The following ST8SIA4 variants were observed in gnomAD, a reference collection of about 807,000 sequenced individuals.
ST8SIA4 encodes CMP-N-acetylneuraminate-poly-alpha-2,8-sialyltransferase.
Under a neutral mutation model 33.9 loss-of-function variants are expected in ST8SIA4, and 15 were observed. The ratio of observed to expected loss-of-function variants is 0.44; its 90% confidence interval spans 0.30 to 0.68. The LOEUF (loss-of-function observed/expected upper bound fraction) is 0.68, where lower values mean the gene tolerates loss of function less well. Among genes scored for constraint, ST8SIA4 ranks in the 30% least tolerant of loss-of-function variants. The pLI is 0.10. For missense variants in ST8SIA4, 321 were observed against 428.0 expected (o/e 0.75, Z 2.21); for synonymous variants, 171 against 151.2 (o/e 1.13, Z -0.96).
Position 100,839,783 on chromosome 5 carries a change from T to G in ST8SIA4, c.797+16320A>C, listed in dbSNP as rs1426249839. Among the ~76,000 whole-genome samples the G allele has an allele frequency of 2.6e-5, 4 of 151,874 alleles. No individual in the cohort carries two copies. The Admixed American group carries it at 2.6e-4, about 10-fold the overall frequency. ...TGGCACAAATATTGCCATGCTATTA[T>G]AAAGATACACTGTTCTATAGTGAGA... is the stretch of plus-strand genomic sequence containing the variant. On this transcript the variant is annotated intron_variant, in intron 4 of 4. Coordinates refer to ENST00000231461, the MANE Select transcript of ST8SIA4 (RefSeq NM_005668.6).
intron 3 of ST8SIA4, among the ~76,000 whole-genome samples, chr5:100,874,109 G>A (rs1457052849): frequency 1.3e-5 from 2 of 152,136 alleles, no homozygotes; most frequent in Non-Finnish European, 2.9e-5. Context: ...TATACAGATT[G>A]TATGAGGGAA....
intron 4 of ST8SIA4, among the ~76,000 whole-genome samples, chr5:100,812,576 C>A (rs528214585): frequency 1.3e-5 from 2 of 152,086 alleles, no homozygotes; most frequent in East Asian, 3.9e-4. Context: ...AATTAAAAAT[C>A]CAAAGAAATA....
At chr5:100,860,269 G>C (rs1362376246) in intron 3 of ST8SIA4, among the ~76,000 whole-genome samples, 5 of 152,042 alleles carry the variant, frequency 3.3e-5, no homozygotes, top group Admixed American at 1.3e-4. Flanking sequence ...CAATCCCACT[G>C]TGTTGCTTCC....
intron 3 of ST8SIA4, 92 bp downstream of exon 3, chr5:100,886,251 T>C: frequency 6.6e-7 from 1 of 1,523,060 alleles, no homozygotes. Context: ...TTTGAGGTTT[T>C]AGTAATACTT....
chr5:100,824,307 G>T (rs1379962931), intron 4 of ST8SIA4, among the ~76,000 whole-genome samples: 1 of 152,056 alleles, frequency 6.6e-6, no homozygotes, highest in African/African-American at 2.4e-5. Context: ...GTATATAGAG[G>T]TTCAAAAAGA....
At chr5:100,862,648 C>T (rs1009123891) in intron 3 of ST8SIA4, among the ~76,000 whole-genome samples, 5 of 152,048 alleles carry the variant, frequency 3.3e-5, no homozygotes, top group African/African-American at 4.8e-5. Flanking sequence ...GTGATCCACC[C>T]GCCTCTGCCT....
At chr5:100,814,603 A>G (rs1370508630) in intron 4 of ST8SIA4, among the ~76,000 whole-genome samples, 1 of 151,968 alleles carries the variant, frequency 6.6e-6, no homozygotes, top group African/African-American at 2.4e-5. Flanking sequence ...ACCTTAAATC[A>G]GGTCACTAAG....
At chr5:100,828,385 A>G (rs1371840517) in intron 4 of ST8SIA4, among the ~76,000 whole-genome samples, 1 of 152,110 alleles carries the variant, frequency 6.6e-6, no homozygotes, top group African/African-American at 2.4e-5. Flanking sequence ...ACTTTCCGGT[A>G]CTCCTTAGGG....
rs143119843 is a variant in ST8SIA4, at chr5:100,836,995, AACACACAC to A, written c.797+19100_797+19107del. On this transcript the variant is annotated intron_variant, in intron 4 of 4. Transcript: ENST00000231461. ...TAGGGAATTTTCTCATTAGTGCTAAAACACACACACACACACACACACACACACACACA... is the reference window on the plus strand; with the variant it reads ...TAGGGAATTTTCTCATTAGTGCTAAAACACACACACACACACACACACACA... Among the ~76,000 whole-genome samples the A allele has an allele frequency of 3.3e-3, 486 of 146,374 alleles. 3 individuals are homozygous for A. The highest frequency in any genetic ancestry group is 9.0e-3 in the African/African-American group (358 of 39,630).
At chr5:100,898,720 TC>T (rs1752832449) in intron 1 of ST8SIA4, among the ~76,000 whole-genome samples, 1 of 152,194 alleles carries the variant, frequency 6.6e-6, no homozygotes, top group Non-Finnish European at 1.5e-5. Flanking sequence ...AAAAGGCTCT[TC>T]CTTCCCATGA....
chr5:100,852,068 C>A (rs1488689998), intron 4 of ST8SIA4, among the ~76,000 whole-genome samples: 1 of 144,070 alleles, frequency 6.9e-6, no homozygotes. Flanking sequence ...ACTTTGAAGT[C>A]CCCAAATCCC....
intron 1 of ST8SIA4, among the ~76,000 whole-genome samples, chr5:100,900,897 C>G (rs1388850366): frequency 1.3e-5 from 2 of 152,212 alleles, no homozygotes; most frequent in East Asian, 3.9e-4. Flanking sequence ...GGGATAACCC[C>G]GGTGCGCGCC....
intron 3 of ST8SIA4, among the ~76,000 whole-genome samples, chr5:100,876,409 T>C (rs1444589280): frequency 6.6e-6 from 1 of 152,064 alleles, no homozygotes; most frequent in Non-Finnish European, 1.5e-5. Context: ...CCTAACCAAA[T>C]TTGTCAAAAT....
chr5:100,831,168 C>T (rs1303521498), intron 4 of ST8SIA4, among the ~76,000 whole-genome samples: 1 of 152,142 alleles, frequency 6.6e-6, no homozygotes, highest in Non-Finnish European at 1.5e-5. Context: ...TTTCTTTTCT[C>T]ATTATTGCTT....
rs1373104842 is a variant in ST8SIA4 at position 100,811,791 on chromosome 5, A to G, written c.*56T>C. The G allele has an allele frequency of 4.6e-6, 7 of 1,519,250 alleles. No homozygotes were observed. Among genetic ancestry groups the G allele is most frequent in the Non-Finnish European group, 6.2e-6 (7 of 1,132,338 alleles). 94.1% of individuals were successfully genotyped at this position (1,519,250 alleles called of 1,614,324 possible). A position where few individuals can be genotyped will look rare whatever the true frequency, so the allele number is the denominator to read the frequency against. ...AGCCGTGTTTTGGATCCTATTTTCAAATCTTCGGAAGCATCTTCAGAAAAG... is the reference window on the plus strand; with the variant it reads ...AGCCGTGTTTTGGATCCTATTTTCAGATCTTCGGAAGCATCTTCAGAAAAG... On this transcript the variant is annotated 3_prime_UTR_variant, in exon 5 of 5. Transcript: ENST00000231461.
rs181611044 is a variant in ST8SIA4 at position 100,894,565 on chromosome 5, T to A, written c.245+1089A>T. On this transcript the variant is annotated intron_variant, in intron 2 of 4. Coordinates refer to ENST00000231461, the MANE Select transcript of ST8SIA4 (RefSeq NM_005668.6). ...CCAAAGTAGTAATACTATTCCTACA[T>A]CGCCCTGATGCCCATATTTTTAAAA... Among the ~76,000 whole-genome samples, 194 of 152,228 alleles carry A rather than the reference T, an allele frequency of 1.3e-3. 1 individual carries two copies. The highest frequency in any genetic ancestry group is 4.4e-3 in the African/African-American group (183 of 41,556).
At chr5:100,878,713 A>G (rs536464517) in intron 3 of ST8SIA4, among the ~76,000 whole-genome samples, 1 of 152,336 alleles carries the variant, frequency 6.6e-6, no homozygotes, top group East Asian at 1.9e-4. Flanking sequence ...GATCACGTAC[A>G]ATTTCATAAT....
intron 3 of ST8SIA4, among the ~76,000 whole-genome samples, chr5:100,858,058 T>C (rs951855667): frequency 1.8e-4 from 27 of 152,134 alleles, no homozygotes; most frequent in African/African-American, 6.5e-4. Flanking sequence ...ATTTGCTGCA[T>C]GCGAATACTT....
At chr5:100,863,048 T>C (rs777977700) in intron 3 of ST8SIA4, among the ~76,000 whole-genome samples, 8 of 152,344 alleles carry the variant, frequency 5.3e-5, no homozygotes, top group Middle Eastern at 3.4e-3. Context: ...TCTGAAAGTC[T>C]GATTGGCTAA....
Sources: allele counts gnomAD v4.1 joint callset (sites outside exome capture counted in the v4.1 genomes callset), GRCh38; gene constraint gnomAD v4.1.1; transcripts MANE v1.5; gene names NCBI Gene and HGNC (gene_info 2026-07-23, HGNC 2026-07-21).